The following UBE2V2 variants were observed in gnomAD, a reference collection of about 807,000 sequenced individuals.
The protein encoded by UBE2V2 is ubiquitin-conjugating enzyme E2 variant 2.
UBE2V2 carries 9 observed loss-of-function variants against 17.2 expected under a neutral mutation model. That is an observed-to-expected ratio of 0.52 (90% CI 0.32 to 0.91). The LOEUF (loss-of-function observed/expected upper bound fraction) is 0.91. Ranked by LOEUF, UBE2V2 falls within the 40% of genes least tolerant of loss-of-function variation. The pLI, the probability that UBE2V2 is intolerant of heterozygous loss-of-function variation, is 0.04. For missense variants in UBE2V2, 133 were observed against 182.6 expected (o/e 0.73, Z 1.56); for synonymous variants, 61 against 57.5 (o/e 1.06, Z -0.28).
chr8:48,033,616 T>G (rs983911181), intron 1 of UBE2V2, among the ~76,000 whole-genome samples: 1 of 152,126 alleles, frequency 6.6e-6, no homozygotes, highest in African/African-American at 2.4e-5. Context: ...AGTTACCTGT[T>G]TTCCTCCCTG....
intron 1 of UBE2V2, chr8:48,034,739 C>G (rs2091409624): frequency 6.6e-6 from 1 of 152,052 alleles, no homozygotes; most frequent in Non-Finnish European, 1.5e-5. Context: ...TTTTCCAACC[C>G]CCCTCCCTTC....
chr8:48,013,514 T>G (rs2091247672), intron 1 of UBE2V2, among the ~76,000 whole-genome samples: 1 of 152,154 alleles, frequency 6.6e-6, no homozygotes, highest in African/African-American at 2.4e-5. Flanking sequence ...TTTCACCGTG[T>G]TAGCCGGGAT....
upstream of UBE2V2, among the ~76,000 whole-genome samples, chr8:48,004,950 C>T (rs1022666364): frequency 4.6e-5 from 7 of 151,720 alleles, no homozygotes; most frequent in African/African-American, 7.3e-5. Context: ...ATCTCATCCT[C>T]CTGAGTAGTT....
At chr8:48,035,625 T>G (rs1434614650) in intron 1 of UBE2V2, among the ~76,000 whole-genome samples, 1 of 138,374 alleles carries the variant, frequency 7.2e-6, no homozygotes, top group African/African-American at 2.7e-5. Flanking sequence ...TATTGTTTTT[T>G]TTTTTTTGTG....
chr8:48,004,512 G>GTTTTT (rs199499502), upstream of UBE2V2, among the ~76,000 whole-genome samples: 4 of 137,968 alleles, frequency 2.9e-5, no homozygotes, highest in Admixed American at 7.3e-5. Context: ...TTCCTCTTCT[G>GTTTTT]TTTTTTTTTT....
At chr8:48,005,278 C>T (rs546913575), upstream of UBE2V2, among the ~76,000 whole-genome samples, 6 of 152,038 alleles carry the variant, frequency 3.9e-5, no homozygotes, top group East Asian at 1.2e-3. Flanking sequence ...GTTTGGTTTT[C>T]TGTTCTTGTG....
chr8:48,023,067 CTT>C (rs2091316520), intron 1 of UBE2V2, among the ~76,000 whole-genome samples: 3 of 152,164 alleles, frequency 2.0e-5, no homozygotes, highest in African/African-American at 4.8e-5. Context: ...AGGATTCTCT[CTT>C]TGTCTTTGAT....
intron 1 of UBE2V2, among the ~76,000 whole-genome samples, chr8:48,029,625 A>G (rs2091369484): frequency 6.6e-6 from 1 of 152,230 alleles, no homozygotes; most frequent in Admixed American, 6.5e-5. Flanking sequence ...TGTTCTTGAA[A>G]AGTACAGACA....
chr8:48,002,573 A>G, the UBE2V2 span, among the ~76,000 whole-genome samples: 16 of 149,680 alleles, frequency 1.1e-4, no homozygotes, highest in African/African-American at 3.9e-4. Context: ...AGATTGCTTG[A>G]CCTCAGGAGT....
At chr8:48,007,716 G>A (rs993441111), upstream of UBE2V2, among the ~76,000 whole-genome samples, 5 of 146,904 alleles carry the variant, frequency 3.4e-5, no homozygotes, top group African/African-American at 1.3e-4. Context: ...CGCCCAGCCT[G>A]TATTACTTTC....
chr8:48,010,170 T>C (rs1351540556), intron 1 of UBE2V2, among the ~76,000 whole-genome samples: 1 of 152,110 alleles, frequency 6.6e-6, no homozygotes, highest in Non-Finnish European at 1.5e-5. Flanking sequence ...TTTAGTTGTT[T>C]TGGAAGTTGA....
chr8:48,005,597 G>A (rs1351283542), upstream of UBE2V2, among the ~76,000 whole-genome samples: 1 of 152,200 alleles, frequency 6.6e-6, no homozygotes, highest in African/African-American at 2.4e-5. Flanking sequence ...TCGCCACACT[G>A]TCTTCCACAA....
At chr8:48,025,892 A>T (rs2091341998) in intron 1 of UBE2V2, among the ~76,000 whole-genome samples, 1 of 151,944 alleles carries the variant, frequency 6.6e-6, no homozygotes, top group Non-Finnish European at 1.5e-5. Context: ...GAGCCACCGC[A>T]CCGGGCTCTG....
chr8:48,013,545 G>A (rs1465837303), intron 1 of UBE2V2, among the ~76,000 whole-genome samples: 1 of 151,396 alleles, frequency 6.6e-6, no homozygotes, highest in African/African-American at 2.4e-5. Flanking sequence ...TCCTGACCTC[G>A]TGATCCATCC....
At chr8:48,022,280 CG>C (rs555620859) in intron 1 of UBE2V2, among the ~76,000 whole-genome samples, 39 of 151,844 alleles carry the variant, frequency 2.6e-4, no homozygotes, top group African/African-American at 8.2e-4. Flanking sequence ...TGATTACAGG[CG>C]GCTGCCACCA....
At chr8:48,035,026 A>AGT (rs1250973424) in intron 1 of UBE2V2, 2 of 985,214 alleles carry the variant, frequency 2.0e-6, no homozygotes, top group Admixed American at 1.2e-4. Context: ...TGGCTTCCAA[A>AGT]AGAACGAAAG....
At chr8:48,036,609 A>G (rs905311610) in intron 1 of UBE2V2, among the ~76,000 whole-genome samples, 7 of 151,540 alleles carry the variant, frequency 4.6e-5, no homozygotes, top group African/African-American at 1.7e-4. Flanking sequence ...AATTTTTTGT[A>G]TCTTTAGGCT....
chr8:48,036,061 C>A (rs1292241989), intron 1 of UBE2V2, among the ~76,000 whole-genome samples: 3 of 149,444 alleles, frequency 2.0e-5, no homozygotes, highest in African/African-American at 7.4e-5. Context: ...CTCAAGTGAT[C>A]CTTCCATGTT....
the UBE2V2 span, among the ~76,000 whole-genome samples, chr8:47,997,681 C>T: frequency 1.3e-5 from 2 of 151,938 alleles, no homozygotes; most frequent in African/African-American, 4.8e-5. Flanking sequence ...ACAGACAATC[C>T]CTTTGGCCCC....
Sources: gnomAD v4.1 joint callset for allele counts (sites outside exome capture counted in the v4.1 genomes callset) on GRCh38, gnomAD v4.1.1 for gene constraint, MANE v1.5 for transcripts, NCBI Gene and HGNC (gene_info 2026-07-23, HGNC 2026-07-21) for gene names.